The following XPO6 variants were observed in gnomAD, a reference collection of about 807,000 sequenced individuals.
XPO6 encodes exportin-6.
Under a neutral mutation model 130.0 loss-of-function variants are expected in XPO6, and 3 were observed. That is an observed-to-expected ratio of 0.02 (90% CI 0.01 to 0.06). The LOEUF is 0.06. XPO6 is among the 10% of genes least tolerant of loss of function. The pLI is 1.00. For missense variants in XPO6, 970 were observed against 1,393.0 expected (o/e 0.70, Z 4.83); for synonymous variants, 524 against 548.9 (o/e 0.95, Z 0.63).
chr16:28,160,503 C>CAAAAAAAAAAAA lies in XPO6; in HGVS notation c.644-3977_644-3976insTTTTTTTTTTTT, dbSNP rs1158204334. ...TGGATAACAAAGTGAGACTCCATCA[C>CAAAAAAAAAAAA]CAAAAAAAAAAAAAAAATCAAGTAA... On this transcript the variant is annotated intron_variant, in intron 6 of 23. Transcript: ENST00000304658. 5.6e-4 allele frequency among the ~76,000 whole-genome samples: 65 copies of CAAAAAAAAAAAA among 116,584 alleles called. 6 individuals carry two copies. The highest frequency in any genetic ancestry group is 2.3e-3 in the African/African-American group (55 of 24,028). The allele number at this position is 116,584 out of a possible 152,430, so 76.5% of individuals were successfully genotyped here.
intron 1 of XPO6, among the ~76,000 whole-genome samples, chr16:28,204,867 G>A (rs2044003789): frequency 6.6e-6 from 1 of 152,154 alleles, no homozygotes; most frequent in South Asian, 2.1e-4. Flanking sequence ...TAGCAACACT[G>A]GATAAGCAAC....
chr16:28,111,828 G>T lies in XPO6; in HGVS notation c.2330C>A (p.Pro777Gln). The change falls in exon 17 of 24, where the codon CCA (proline) becomes CAA (glutamine). Residue 777 changes from proline (P) to glutamine (Q), a missense_variant. By Grantham distance (76) the Pro-to-Gln change is moderately conservative. Transcript: ENST00000304658. ...PSAVAPQRKM[P>Q]LDDTKLIIHQ... ...TAGGGGTCACTTACTGTCATCCAGT[G>T]GCATCTTTCTCTGTGGGGCAACAGC... The T allele has an allele frequency of 6.2e-7, 1 of 1,614,080 alleles. No homozygotes were observed. The highest frequency in any genetic ancestry group is 8.5e-7 in the Non-Finnish European group (1 of 1,179,982).
chr16:28,103,203 CTTTT>C (rs1366008851), intron 21 of XPO6, among the ~76,000 whole-genome samples: 11 of 152,292 alleles, frequency 7.2e-5, no homozygotes, highest in South Asian at 6.2e-4. Flanking sequence ...GTGGTTCTAC[CTTTT>C]CCAGAATGTC....
At position 28,211,693 on chromosome 16, in the gene XPO6, T is replaced by A. The variant is rs1437446075; in HGVS notation, c.-325A>T. The stretch of plus-strand genomic sequence containing the variant: ...CGGGCCCGACCCCCGCGGGGGAGGC[T>A]GCGGGCCCAGGCAGGGGCTCCCCGG... On this transcript the variant is annotated 5_prime_UTR_variant, in exon 1 of 24. Transcript: ENST00000304658. The A allele has an allele frequency of 2.3e-5, 9 of 389,080 alleles. No individual in the cohort carries two copies. The highest frequency in any genetic ancestry group is 3.2e-5 in the Non-Finnish European group (7 of 221,334). The allele number at this position is 389,080 out of a possible 1,614,324, so 24.1% of individuals were successfully genotyped here. A position where few individuals can be genotyped will look rare whatever the true frequency, so the allele number is the denominator to read the frequency against.
chr16:28,140,007 G>A lies in XPO6; in HGVS notation c.1335-4683C>T, dbSNP rs562382929. 3.6e-3 allele frequency among the ~76,000 whole-genome samples: 551 copies of A among 152,196 alleles called. 5 individuals are homozygous for A. The highest frequency in any genetic ancestry group is 0.013 in the African/African-American group (522 of 41,524). On this transcript the variant is annotated intron_variant, in intron 9 of 23. Transcript: ENST00000304658. ...AGCACTTTGGGAGGCCAAGGCAGGC[G>A]GATCACCTGAGGTCAGGAGTTCCAG...
chr16:28,136,507 C>T (rs778459085), intron 9 of XPO6, among the ~76,000 whole-genome samples: 58 of 152,122 alleles, frequency 3.8e-4, no homozygotes, highest in Admixed American at 6.5e-4. Context: ...GGCGTGATCC[C>T]GCGCCCAGCA....
At chr16:28,209,533 G>A (rs927292668) in intron 1 of XPO6, among the ~76,000 whole-genome samples, 9 of 151,590 alleles carry the variant, frequency 5.9e-5, no homozygotes, top group African/African-American at 4.9e-5. Context: ...CCAGCTACTC[G>A]GGAGGCTGAG....
At chr16:28,104,482 C>A in intron 21 of XPO6, 64 bp downstream of exon 21, 1 of 1,578,378 alleles carries the variant, frequency 6.3e-7, no homozygotes, top group Non-Finnish European at 8.7e-7. Flanking sequence ...GCTTCGAAGA[C>A]AGGACTCGCT....
chr16:28,177,946 G>A (rs1329456500), intron 2 of XPO6, among the ~76,000 whole-genome samples: 1 of 152,174 alleles, frequency 6.6e-6, no homozygotes, highest in East Asian at 1.9e-4. Context: ...GTGTTGCGGC[G>A]AGTAGCCCTG....
At chr16:28,196,696 C>T (rs966470732) in intron 1 of XPO6, among the ~76,000 whole-genome samples, 4 of 152,082 alleles carry the variant, frequency 2.6e-5, no homozygotes, top group Admixed American at 6.6e-5. Flanking sequence ...AGATTAATGC[C>T]CTCCCTGGCA....
intron 15 of XPO6, 131 bp from the exon 16 acceptor site, chr16:28,113,181 A>C: frequency 5.1e-5 from 61 of 1,192,660 alleles, no homozygotes; most frequent in Non-Finnish European, 6.3e-5. Flanking sequence ...TATCTAGCTC[A>C]AGAATTTTTC....
At chr16:28,188,445 T>C (rs954976631) in intron 1 of XPO6, among the ~76,000 whole-genome samples, 10 of 151,996 alleles carry the variant, frequency 6.6e-5, no homozygotes, top group African/African-American at 2.4e-4. Flanking sequence ...TCTAGAACAG[T>C]GTCATTACCC....
intron 4 of XPO6, among the ~76,000 whole-genome samples, chr16:28,171,971 G>C (rs1023616562): frequency 3.3e-5 from 5 of 151,920 alleles, no homozygotes; most frequent in Non-Finnish European, 7.4e-5. Flanking sequence ...TACTCTCTCA[G>C]CTGGAAATGA....
chr16:28,114,310 T>C (rs1232083637), intron 15 of XPO6, among the ~76,000 whole-genome samples: 1 of 151,794 alleles, frequency 6.6e-6, no homozygotes, highest in Non-Finnish European at 1.5e-5. Context: ...TCTCCAGCTA[T>C]CTACAAACTT....
Position 28,106,187 on chromosome 16 carries a change from G to A in XPO6, c.2640C>T (p.His880=), listed in dbSNP as rs757840103. 6.8e-6 allele frequency: 11 copies of A among 1,614,132 alleles called. 1 individual carries two copies. In the Middle Eastern group the frequency reaches 4.9e-4, roughly 73 times the overall value. ...TREQLAESIL[H]EGSTGCRVVE... is the part of the protein sequence containing the mutation. The stretch of plus-strand genomic sequence containing the variant: ...CCACCCGGCAGCCTGTGCTGCCCTC[G>A]TGGAGGATGCTCTCGGCTAACTGCT... Residue 880 remains histidine (H), a synonymous_variant, in exon 20 of 24, where the codon CAC becomes CAT. Transcript: ENST00000304658. The surrounding 1 kb of genome is among the most constrained non-coding windows in gnomAD (Gnocchi z 4.2).
At chr16:28,210,714 G>C (rs1482703989) in intron 1 of XPO6, among the ~76,000 whole-genome samples, 1 of 152,240 alleles carries the variant, frequency 6.6e-6, no homozygotes, top group Non-Finnish European at 1.5e-5. Context: ...GGTAGCTTCA[G>C]CAGAGATCAG....
rs912432738 is a variant in XPO6, at chr16:28,160,045, C to A, written c.644-3518G>T. On this transcript the variant is annotated intron_variant, in intron 6 of 23. Coordinates refer to ENST00000304658, the MANE Select transcript of XPO6 (RefSeq NM_015171.4). ...TACTAAAATACAAAAATTAGCTGGG[C>A]GTGGTGGTGCGTGCCTATAATCCCA... is the stretch of plus-strand genomic sequence containing the variant. Among the ~76,000 whole-genome samples, 7 of 151,108 alleles carry A rather than the reference C, an allele frequency of 4.6e-5. No individual in the cohort carries two copies. The East Asian group carries it at 1.4e-3, about 30-fold the overall frequency.
chr16:28,157,346 T>C (rs184560525), intron 6 of XPO6, among the ~76,000 whole-genome samples: 282 of 151,720 alleles, frequency 1.9e-3, no homozygotes, highest in African/African-American at 6.5e-3. Context: ...TCCCAGCTAC[T>C]TGGGAGGCTG....
intron 2 of XPO6, among the ~76,000 whole-genome samples, chr16:28,178,602 GA>G (rs77812683): frequency 0.58 from 85,806 of 148,416 alleles, 26,822 homozygotes; most frequent in South Asian, 0.72. Context: ...GCTATTTAAA[GA>G]AAAAAAAAAA....
Sources: gnomAD v4.1 joint callset for allele counts (sites outside exome capture counted in the v4.1 genomes callset) on GRCh38, gnomAD v4.1.1 for gene constraint, Gnocchi (gnomAD v3.1) non-coding constraint, MANE v1.5 for transcripts, NCBI Gene and HGNC (gene_info 2026-07-23, HGNC 2026-07-21) for gene names.